TINAGL1: variants seen among roughly 807,000 people sequenced by gnomAD.
TINAGL1 encodes tubulointerstitial nephritis antigen like 1, also known as tubulointerstitial nephritis antigen-like.
Under a neutral mutation model 62.0 loss-of-function variants are expected in TINAGL1, and 34 were observed. The observed-to-expected ratio is 0.55, with a 90% CI of 0.42 to 0.73. The LOEUF is 0.73. Ranked by LOEUF, TINAGL1 falls within the 30% of genes least tolerant of loss-of-function variation. The pLI is 0.00. For missense variants in TINAGL1, 516 were observed against 653.2 expected (o/e 0.79, Z 2.29); for synonymous variants, 221 against 249.7 (o/e 0.88, Z 1.08).
At chr1:31,579,460 C>T (rs1639143921) in intron 3 of TINAGL1, among the ~76,000 whole-genome samples, 193 bp downstream of exon 3, 1 of 152,244 alleles carries the variant, frequency 6.6e-6, no homozygotes, top group Non-Finnish European at 1.5e-5. Context: ...AACAACATTC[C>T]TCAAGCATGG....
At position 31,585,608 on chromosome 1, in the gene TINAGL1, C is replaced by T; in HGVS notation, c.1093+123C>T. 1 of 1,532,700 alleles carries T rather than the reference C, an allele frequency of 6.5e-7. No individual in the cohort carries two copies. Among genetic ancestry groups the T allele is most frequent in the Non-Finnish European group, 8.8e-7 (1 of 1,133,894 alleles). The allele number at this position is 1,532,700 out of a possible 1,614,324, so 94.9% of individuals were successfully genotyped here. ...TCCAGTAGGGCCAGGAGTAGGGGTC[C>T]CCCCCTCCCACAGGCAGCACCTGGA... On this transcript the variant is annotated intron_variant, in intron 9 of 11. Transcript: ENST00000271064. This position sits in a 1 kb window ranked among gnomAD's most constrained non-coding sequence, Gnocchi z 4.3.
chr1:31,576,964 A>G lies in TINAGL1; in HGVS notation c.-15-170A>G, dbSNP rs1638980758. On this transcript the variant is annotated intron_variant, in intron 1 of 11. Transcript: ENST00000271064. This position sits in a 1 kb window ranked among gnomAD's most constrained non-coding sequence, Gnocchi z 5.1. ...GTTTCTGCCCAGTCCCCATCCCCCT[A>G]TAGCCAGGGCCCACACACTGGGGCT... 3.3e-6 allele frequency: 2 copies of G among 600,868 alleles called. No individual in the cohort carries two copies. Among genetic ancestry groups the G allele is most frequent in the Non-Finnish European group, 5.6e-6 (2 of 357,442 alleles). The allele number at this position is 600,868 out of a possible 1,614,324, so 37.2% of individuals were successfully genotyped here. A position where few individuals can be genotyped will look rare whatever the true frequency, so the allele number is the denominator to read the frequency against.
chr1:31,580,546 G>A (rs1441166393), intron 3 of TINAGL1: 1 of 1,289,122 alleles, frequency 7.8e-7, no homozygotes, highest in African/African-American at 1.5e-5. Flanking sequence ...AAGGAAGGAT[G>A]AGGAAAGCCT....
At chr1:31,580,361 G>T in intron 3 of TINAGL1, 1 of 1,287,688 alleles carries the variant, frequency 7.8e-7, no homozygotes. Context: ...GGGGGCAAAG[G>T]AGGAGATGGC....
rs139194799 is a variant in TINAGL1, at chr1:31,585,026, C to A, written c.847C>A (p.Arg283Ser). The A allele has an allele frequency of 1.3e-6, 2 of 1,598,764 alleles. No individual in the cohort carries two copies. Among genetic ancestry groups the A allele is most frequent in the Middle Eastern group, 1.7e-4 (1 of 6,014 alleles). Residue 283 changes from arginine to serine, a missense_variant, in exon 7 of 12, where the codon CGT becomes AGT. Physicochemically the swap from Arg to Ser is moderately radical, Grantham distance 110. Transcript: ENST00000271064. The surrounding 1 kb of genome is among the most constrained non-coding windows in gnomAD (Gnocchi z 4.3). ...TCTCGATGGTGCCTGGTGGTTCCTG[C>A]GTCGCCGAGGGTATGCAGCAACAGG... Reference protein sequence around the residue: ...GRLDGAWWFLRRRGVVSDHCY... With the variant: ...GRLDGAWWFLSRRGVVSDHCY...
Position 31,585,228 on chromosome 1 carries a change from A to G in TINAGL1, c.935A>G (p.His312Arg). 2 of 1,613,390 alleles carry G rather than the reference A, an allele frequency of 1.2e-6. No homozygotes were observed. The highest frequency in any genetic ancestry group is 1.7e-5 in the Admixed American group (1 of 59,894). The change falls in exon 8 of 12, where the codon CAC becomes CGC. Residue 312 changes from histidine (H) to arginine (R), a missense_variant. Transcript: ENST00000271064. This position sits in a 1 kb window ranked among gnomAD's most constrained non-coding sequence, Gnocchi z 4.3. Reference protein sequence around the residue: ...EAGPAPPCMMHSRAMGRGKRQ... With the variant: ...EAGPAPPCMMRSRAMGRGKRQ... ...GGCCCTGCGCCCCCCTGTATGATGC[A>G]CAGCCGAGCCATGGGTCGGGGCAAG...
In TINAGL1 at chr1:31,584,765, G is replaced by A; in HGVS notation, c.670G>A (p.Gly224Ser). Reference protein sequence around the residue: ...PNLIHEPLDQGNCAGSWAFST... With the variant: ...PNLIHEPLDQSNCAGSWAFST... ...CCTGATTCATGAGCCTCTTGACCAA[G>A]GCAACTGTGCAGGCTCCTGGGCCTT... is the stretch of plus-strand genomic sequence containing the variant. The change falls in exon 6 of 12, where the codon GGC (glycine) becomes AGC (serine). Residue 224 changes from glycine (G) to serine (S), a missense_variant. By Grantham distance (56) the Gly-to-Ser change is moderately conservative. Transcript: ENST00000271064. This position sits in a 1 kb window ranked among gnomAD's most constrained non-coding sequence, Gnocchi z 4.0. 1 of 1,614,256 alleles carries A rather than the reference G, an allele frequency of 6.2e-7. No homozygotes were observed. Among genetic ancestry groups the A allele is most frequent in the Non-Finnish European group, 8.5e-7 (1 of 1,180,036 alleles).
chr1:31,586,808 T>C, intron 11 of TINAGL1, 31 bp from the exon 12 acceptor site: 1 of 1,545,646 alleles, frequency 6.5e-7, no homozygotes, highest in East Asian at 2.4e-5. Context: ...CCACTCCCAT[T>C]CCCCTTCTCA....
chr1:31,587,003 C>A lies in TINAGL1; in HGVS notation c.*24C>A. 4.8e-6 allele frequency: 7 copies of A among 1,444,318 alleles called. No homozygotes were observed. The highest frequency in any genetic ancestry group is 6.4e-6 in the Non-Finnish European group (7 of 1,101,750). 89.5% of individuals were successfully genotyped at this position (1,444,318 alleles called of 1,614,324 possible). On this transcript the variant is annotated 3_prime_UTR_variant, in exon 12 of 12. Coordinates refer to ENST00000271064, the MANE Select transcript of TINAGL1 (RefSeq NM_022164.3). ...GAGGCTGCGGGCACCACGCGGGGTC[C>A]GGCCTGGGATCCAGGCTAAGGGCCG...
intron 2 of TINAGL1, among the ~76,000 whole-genome samples, chr1:31,578,775 G>GTTGTGTCTAT (rs142216323): frequency 8.9e-6 from 1 of 112,096 alleles, no homozygotes; most frequent in East Asian, 2.9e-4. Context: ...AGTGAGAGCT[G>GTTGTGTCTAT]GTGTGTGTGT....
intron 2 of TINAGL1, among the ~76,000 whole-genome samples, chr1:31,578,999 GGT>G (rs371018954): frequency 0.32 from 30,776 of 96,650 alleles, 9,016 homozygotes; most frequent in Middle Eastern, 0.49. Context: ...AGTGACAGCT[GGT>G]GTGTGTGTGT....
chr1:31,586,682 C>T lies in TINAGL1; in HGVS notation c.1218-28C>T, dbSNP rs1053036715. Reference sequence around the variant, plus strand: ...TCCTGAGAGCAGGTAGACCCAGCTCCCTTCCCCCTCCTCTGCTCTGCCCAC... The same window carrying T: ...TCCTGAGAGCAGGTAGACCCAGCTCTCTTCCCCCTCCTCTGCTCTGCCCAC... On this transcript the variant is annotated intron_variant, in intron 10 of 11. Transcript: ENST00000271064. The T allele has an allele frequency of 1.9e-6, 3 of 1,555,800 alleles. No homozygotes were observed. The Admixed American group carries it at 5.8e-5, about 30-fold the overall frequency.
chr1:31,581,036 G>A (rs1639230369), intron 3 of TINAGL1, among the ~76,000 whole-genome samples: 1 of 152,196 alleles, frequency 6.6e-6, no homozygotes, highest in African/African-American at 2.4e-5. Context: ...CTGAGACCAG[G>A]GAGAAGGATA....
chr1:31,584,532 G>T lies in TINAGL1; in HGVS notation c.583-146G>T. 1 of 1,317,638 alleles carries T rather than the reference G, an allele frequency of 7.6e-7. No homozygotes were observed. The highest frequency in any genetic ancestry group is 1.1e-6 in the Non-Finnish European group (1 of 949,412). The allele number at this position is 1,317,638 out of a possible 1,614,324, so 81.6% of individuals were successfully genotyped here. On this transcript the variant is annotated intron_variant, in intron 5 of 11. Coordinates refer to ENST00000271064, the MANE Select transcript of TINAGL1 (RefSeq NM_022164.3). This position sits in a 1 kb window ranked among gnomAD's most constrained non-coding sequence, Gnocchi z 4.0. The stretch of plus-strand genomic sequence containing the variant: ...GGTTCTTCAACACAAGTCAAAATTG[G>T]AGGCAGCTGGAATCCTGCAGCAGCA...
chr1:31,586,381 A>G (rs993007689), intron 10 of TINAGL1: 11 of 495,264 alleles, frequency 2.2e-5, no homozygotes, highest in Non-Finnish European at 3.2e-5. Context: ...TGGATCCCCA[A>G]GTGAGGGAGG....
Position 31,577,326 on chromosome 1 carries a change from G to A in TINAGL1, c.178G>A (p.Asp60Asn), listed in dbSNP as rs1478455153. 1.5e-5 allele frequency: 25 copies of A among 1,613,716 alleles called. No individual in the cohort carries two copies. Among genetic ancestry groups the A allele is most frequent in the Non-Finnish European group, 1.9e-5 (22 of 1,180,038 alleles). The change falls in exon 2 of 12, where the codon GAC (aspartate) becomes AAC (asparagine). Residue 60 changes from aspartate to asparagine, a missense_variant. Transcript: ENST00000271064. This position sits in a 1 kb window ranked among gnomAD's most constrained non-coding sequence, Gnocchi z 5.4. Reference protein sequence around the residue: ...EQDLCCRGRADDCALPYLGAI... With the variant: ...EQDLCCRGRANDCALPYLGAI... ...GGACCTGTGCTGCCGCGGCCGTGCC[G>A]ACGACTGTGCCCTGCCCTACCTGGG...
At position 31,577,317 on chromosome 1, in the gene TINAGL1, G is replaced by A. The variant is rs772619055; in HGVS notation, c.169G>A (p.Gly57Ser). The change falls in exon 2 of 12, where the codon GGC (glycine) becomes AGC (serine). Residue 57 changes from glycine (G) to serine (S), a missense_variant. Coordinates refer to ENST00000271064, the MANE Select transcript of TINAGL1 (RefSeq NM_022164.3). The surrounding 1 kb of genome is among the most constrained non-coding windows in gnomAD (Gnocchi z 5.4). ...CCAGGAGCAGGACCTGTGCTGCCGC[G>A]GCCGTGCCGACGACTGTGCCCTGCC... is the stretch of plus-strand genomic sequence containing the variant. ...YCQEQDLCCRGRADDCALPYL... is the reference protein window; with the variant it reads ...YCQEQDLCCRSRADDCALPYL... 8.1e-6 allele frequency: 13 copies of A among 1,613,782 alleles called. No individual in the cohort carries two copies. The highest frequency in any genetic ancestry group is 4.4e-5 in the South Asian group (4 of 91,076).
chr1:31,585,975 G>A lies in TINAGL1; in HGVS notation c.1217+99G>A, dbSNP rs1360802329. 7.1e-7 allele frequency: 1 copy of A among 1,406,578 alleles called. No individual in the cohort carries two copies. The highest frequency in any genetic ancestry group is 9.4e-7 in the Non-Finnish European group (1 of 1,063,896). 87.1% of individuals were successfully genotyped at this position (1,406,578 alleles called of 1,614,324 possible). On this transcript the variant is annotated intron_variant, in intron 10 of 11. Coordinates refer to ENST00000271064, the MANE Select transcript of TINAGL1 (RefSeq NM_022164.3). This position sits in a 1 kb window ranked among gnomAD's most constrained non-coding sequence, Gnocchi z 4.3. ...TCTTACAACCTCTCTAAAAAGCCAGGACTGCTCTCATCATTTCAATAGGGA... is the reference window on the plus strand; with the variant it reads ...TCTTACAACCTCTCTAAAAAGCCAGAACTGCTCTCATCATTTCAATAGGGA...
rs202032226 is a variant in TINAGL1 at position 31,586,716 on chromosome 1, A to C, written c.1224A>C (p.Gly408=). 391 of 1,557,870 alleles carry C rather than the reference A, an allele frequency of 2.5e-4. 1 individual carries two copies. The highest frequency in any genetic ancestry group is 3.1e-4 in the Non-Finnish European group (353 of 1,150,514). The change falls in exon 11 of 12, where the codon GGA becomes GGC. Residue 408 remains glycine, a synonymous_variant. Coordinates refer to ENST00000271064, the MANE Select transcript of TINAGL1 (RefSeq NM_022164.3). ...TCCTCTGCTCTGCCCACAGATGGGG[A>C]GAGGAGACGCTGCCAGATGGAAGGA... ...GTHSVKITGW[G]EETLPDGRTL...
Sources: allele counts gnomAD v4.1 joint callset (sites outside exome capture counted in the v4.1 genomes callset), GRCh38; gene constraint gnomAD v4.1.1; non-coding constraint Gnocchi (gnomAD v3.1); transcripts MANE v1.5; gene names NCBI Gene and HGNC (gene_info 2026-07-23, HGNC 2026-07-21).